Variants in ANKRD30A observed in about 807,000 individuals in gnomAD.
The protein encoded by ANKRD30A is ankyrin repeat domain 30A, also known as ankyrin repeat domain-containing protein 30A.
Under a neutral mutation model 166.3 loss-of-function variants are expected in ANKRD30A, and 170 were observed. The ratio of observed to expected loss-of-function variants is 1.02; its 90% CI spans 0.90 to 1.16. The LOEUF is 1.16. Ranked by LOEUF, ANKRD30A falls within the 50% of genes most tolerant of loss-of-function variation. The pLI is 0.00. For missense variants in ANKRD30A, 1,630 were observed against 1,518.0 expected (o/e 1.07, Z -1.23); for synonymous variants, 564 against 508.9 (o/e 1.11, Z -1.46).
At chr10:37,152,266 A>T in intron 12 of ANKRD30A, 145 bp downstream of exon 12, 1 of 690,292 alleles carries the variant, frequency 1.4e-6, no homozygotes, top group Middle Eastern at 2.8e-4. Flanking sequence ...CTTAATGGAG[A>T]ATCTATGTGC....
At chr10:37,239,716 C>A in the ANKRD30A span, among the ~76,000 whole-genome samples, 2 of 151,972 alleles carry the variant, frequency 1.3e-5, no homozygotes, top group African/African-American at 2.4e-5. Flanking sequence ...AATTTTTTCT[C>A]AGGTTTAACA....
the ANKRD30A span, among the ~76,000 whole-genome samples, chr10:37,256,310 G>A: frequency 3.3e-5 from 5 of 152,180 alleles, no homozygotes; most frequent in Admixed American, 2.6e-4. Context: ...AGGCTGGAGT[G>A]CAGTGGCACA....
chr10:37,243,236 G>A, the ANKRD30A span, among the ~76,000 whole-genome samples: 3 of 149,460 alleles, frequency 2.0e-5, no homozygotes, highest in Non-Finnish European at 3.0e-5. Context: ...CTGGGTTCAC[G>A]CCATTCTCCT....
At chr10:37,238,463 C>T in the ANKRD30A span, among the ~76,000 whole-genome samples, 2 of 152,282 alleles carry the variant, frequency 1.3e-5, no homozygotes, top group Middle Eastern at 3.4e-3. Context: ...TTAGGTATAT[C>T]TCTCCTACCA....
At chr10:37,221,938 T>C (rs995908905) in intron 34 of ANKRD30A, among the ~76,000 whole-genome samples, 11 of 151,386 alleles carry the variant, frequency 7.3e-5, no homozygotes, top group Admixed American at 5.3e-4. Context: ...TACACAGTAT[T>C]AGAATAGCTA....
At chr10:37,155,588 C>G (rs1409067342) in intron 13 of ANKRD30A, among the ~76,000 whole-genome samples, 2 of 152,116 alleles carry the variant, frequency 1.3e-5, no homozygotes, top group Non-Finnish European at 2.9e-5. Flanking sequence ...TAGCATTCTA[C>G]GTTCAGCTTT....
intron 13 of ANKRD30A, among the ~76,000 whole-genome samples, chr10:37,154,726 G>A (rs1165641442): frequency 6.6e-6 from 1 of 152,132 alleles, no homozygotes; most frequent in African/African-American, 2.4e-5. Flanking sequence ...AGAGAAGCCA[G>A]CTAGATGATT....
Position 37,216,239 on chromosome 10 carries a change from A to T in ANKRD30A, c.2928A>T (p.Glu976Asp). Residue 976 changes from glutamate (E) to aspartate (D), a missense_variant, in exon 32 of 36, where the codon GAA (glutamate) becomes GAT (aspartate). By Grantham distance (45) the Glu-to-Asp change is conservative. Around this residue, in one of 4 missense-constraint regions of ANKRD30A, gnomAD observed 712 missense variants for 629.3 expected, o/e 1.13. Coordinates refer to ENST00000361713, the MANE Select transcript of ANKRD30A (RefSeq NM_052997.3). Reference sequence around the variant, plus strand: ...TTCATTCTTGTGAAAGAGCAAGGGAACTTCAAAAAGATCACTGTGAACAAC... The same window carrying T: ...TTCATTCTTGTGAAAGAGCAAGGGATCTTCAAAAAGATCACTGTGAACAAC... The part of the protein sequence containing the change: ...DTVHSCERAR[E>D]LQKDHCEQRT... 1 of 1,607,998 alleles carries T rather than the reference A, an allele frequency of 6.2e-7. No individual in the cohort carries two copies. Among genetic ancestry groups the T allele is most frequent in the Non-Finnish European group, 8.5e-7 (1 of 1,175,758 alleles).
At chr10:37,126,124 A>G (rs376360952) in intron 1 of ANKRD30A, 116 bp downstream of exon 1, 2 of 1,136,044 alleles carry the variant, frequency 1.8e-6, no homozygotes, top group Non-Finnish European at 2.6e-6. Flanking sequence ...TGGAGGAGTA[A>G]CGGGCAGCGG....
chr10:37,172,556 T>TA (rs1839665096), intron 21 of ANKRD30A, among the ~76,000 whole-genome samples: 1 of 146,508 alleles, frequency 6.8e-6, no homozygotes, highest in South Asian at 2.1e-4. Flanking sequence ...TTTTTTTTTT[T>TA]TTTTTTTTTT....
chr10:37,154,829 G>A (rs1312036052), intron 13 of ANKRD30A, among the ~76,000 whole-genome samples: 1 of 152,134 alleles, frequency 6.6e-6, no homozygotes, highest in Admixed American at 6.6e-5. Flanking sequence ...GTGCTCTGGA[G>A]ACTACTGGAA....
At chr10:37,156,160 C>G (rs1426117757) in intron 13 of ANKRD30A, among the ~76,000 whole-genome samples, 2 of 151,736 alleles carry the variant, frequency 1.3e-5, no homozygotes, top group African/African-American at 2.4e-5. Context: ...TAAAGAGCAA[C>G]ATAAATATAA....
the ANKRD30A span, among the ~76,000 whole-genome samples, chr10:37,256,066 C>T: frequency 1.3e-5 from 2 of 152,110 alleles, no homozygotes; most frequent in Admixed American, 6.6e-5. Flanking sequence ...GCTCATCAAG[C>T]GCTGTCTGTA....
the ANKRD30A span, among the ~76,000 whole-genome samples, chr10:37,263,379 T>G: frequency 6.6e-6 from 1 of 151,920 alleles, no homozygotes; most frequent in Non-Finnish European, 1.5e-5. Flanking sequence ...AACATTACGT[T>G]TATTATGCAC....
intron 34 of ANKRD30A, among the ~76,000 whole-genome samples, chr10:37,226,980 T>C (rs950693787): frequency 1.3e-5 from 2 of 151,926 alleles, no homozygotes; most frequent in Admixed American, 1.3e-4. Flanking sequence ...GAGAAATGTC[T>C]CTTTCCATCC....
chr10:37,216,086 A>G, intron 31 of ANKRD30A, 95 bp from the exon 32 acceptor site: 2 of 820,368 alleles, frequency 2.4e-6, no homozygotes, highest in East Asian at 2.7e-5. Context: ...CAATCAATAT[A>G]TATTTGTTCA....
rs1388601961 is a variant in ANKRD30A, at chr10:37,200,432, G to A, written c.2778+644G>A. ...ACAGTCAAGCTGCAGCAGCATGAGC[G>A]TCAAATAATAGTGATGTATTTTAAG... On this transcript the variant is annotated intron_variant, in intron 30 of 35. Coordinates refer to ENST00000361713, the MANE Select transcript of ANKRD30A (RefSeq NM_052997.3). 6.6e-5 allele frequency among the ~76,000 whole-genome samples: 10 copies of A among 151,970 alleles called. No individual in the cohort carries two copies. In the East Asian group the frequency reaches 1.3e-3, roughly 21 times the overall value.
intron 34 of ANKRD30A, among the ~76,000 whole-genome samples, chr10:37,222,938 A>G (rs1179413546): frequency 6.6e-6 from 1 of 151,536 alleles, no homozygotes; most frequent in Non-Finnish European, 1.5e-5. Flanking sequence ...TAAATTGAAA[A>G]TATTCTATCT....
At chr10:37,153,436 T>C (rs1838112369) in intron 12 of ANKRD30A, 136 bp from the exon 13 acceptor site, 3 of 1,306,282 alleles carry the variant, frequency 2.3e-6, no homozygotes, top group Non-Finnish European at 3.1e-6. Flanking sequence ...GTTTTCTATA[T>C]GTATCTGCAC....
Sources: gnomAD v4.1 joint callset for allele counts (sites outside exome capture counted in the v4.1 genomes callset) on GRCh38, gnomAD v4.1.1 for gene constraint, gnomAD v4.1.1 regional missense constraint, MANE v1.5 for transcripts, NCBI Gene and HGNC (gene_info 2026-07-23, HGNC 2026-07-21) for gene names.